Variants in ANP32B observed in about 807,000 individuals in gnomAD.
The protein encoded by ANP32B is acidic nuclear phosphoprotein 32 family member B.
In ANP32B, 6 loss-of-function variants were observed where a neutral mutation model predicts 32.2. The observed-to-expected ratio is 0.19, with a 90% CI of 0.10 to 0.37. ANP32B has a LOEUF of 0.37. ANP32B is among the 10% of genes least tolerant of loss of function. The probability of loss-of-function intolerance (pLI) is 1.00; values close to 1 mark genes in which losing one functional copy is unlikely to be tolerated. For missense variants in ANP32B, 204 were observed against 289.2 expected (o/e 0.71, Z 2.14); for synonymous variants, 98 against 105.8 (o/e 0.93, Z 0.45).
chr9:97,997,831 G>T (rs7855432), intron 2 of ANP32B, among the ~76,000 whole-genome samples: 37,744 of 152,080 alleles, frequency 0.25, 5,164 homozygotes, highest in South Asian at 0.48. Flanking sequence ...TCTACTCTAA[G>T]ATTCTAATAT....
chr9:98,011,262 T>C lies in ANP32B; in HGVS notation c.518-9T>C, dbSNP rs1054720659. 3 of 1,551,288 alleles carry C rather than the reference T, an allele frequency of 1.9e-6. No individual in the cohort carries two copies. The highest frequency in any genetic ancestry group is 2.6e-6 in the Non-Finnish European group (3 of 1,146,776). On this transcript the variant is annotated splice_polypyrimidine_tract_variant and intron_variant, in intron 4 of 6. Transcript: ENST00000339399. ...GATATTTAATGAATCCCTTTTGGAC[T>C]ATTTTTAGAAGGAGAAGATGAGGAA...
chr9:98,009,694 C>G lies in ANP32B; in HGVS notation c.518-1577C>G, dbSNP rs145409794. Among the ~76,000 whole-genome samples, 476 of 152,378 alleles carry G rather than the reference C, an allele frequency of 3.1e-3. 3 individuals are homozygous for G. Among genetic ancestry groups the G allele is most frequent in the Middle Eastern group, 0.014 (4 of 294 alleles). ...TGCGGCCCAGGCCACAGACCAGTAC[C>G]AGTCCTGGGAGTTGGGAACCCCTGG... On this transcript the variant is annotated intron_variant, in intron 4 of 6. Transcript: ENST00000339399.
intron 1 of ANP32B, among the ~76,000 whole-genome samples, chr9:97,991,339 T>C (rs1319430710): frequency 6.6e-6 from 1 of 152,146 alleles, no homozygotes; most frequent in Non-Finnish European, 1.5e-5. Context: ...ACTCTTGGAC[T>C]CCTGGGCTCA....
Position 97,983,509 on chromosome 9 carries a change from GC to G in ANP32B, c.-42del, listed in dbSNP as rs1014549097. The G allele has an allele frequency of 3.0e-5, 45 of 1,511,408 alleles. No individual in the cohort carries two copies. The Admixed American group carries it at 4.8e-4, about 16-fold the overall frequency. The allele number at this position is 1,511,408 out of a possible 1,614,324, so 93.6% of individuals were successfully genotyped here. ...AAGCCGGGACGCCTCTCCCCCCTCC[GC>G]CCCCGCCGCGGAAAGTTAAGTTTGA... is the stretch of plus-strand genomic sequence containing the variant. On this transcript the variant is annotated 5_prime_UTR_variant, in exon 1 of 7. Transcript: ENST00000339399.
At chr9:98,012,061 AT>A (rs1241145858) in intron 5 of ANP32B, among the ~76,000 whole-genome samples, 9 of 152,232 alleles carry the variant, frequency 5.9e-5, no homozygotes, top group Non-Finnish European at 1.2e-4. Context: ...TATGATTGAC[AT>A]TAAAGTTCTG....
intron 1 of ANP32B, among the ~76,000 whole-genome samples, chr9:97,985,639 T>A (rs1211419403): frequency 6.6e-6 from 1 of 152,242 alleles, no homozygotes; most frequent in Non-Finnish European, 1.5e-5. Flanking sequence ...AGAAATGCGT[T>A]AAAATCTAGA....
At chr9:97,994,395 CAA>C (rs890516377) in intron 1 of ANP32B, among the ~76,000 whole-genome samples, 19 of 152,308 alleles carry the variant, frequency 1.2e-4, no homozygotes, top group African/African-American at 3.8e-4. Flanking sequence ...TCTGGAAAAA[CAA>C]AGAGCGTAAG....
chr9:98,002,343 G>A (rs1413461412), intron 3 of ANP32B: 1 of 152,086 alleles, frequency 6.6e-6, no homozygotes, highest in Non-Finnish European at 1.5e-5. Context: ...TAAGAGACCT[G>A]GGCCATCCAA....
In ANP32B at chr9:98,012,846, T is replaced by A. The variant is rs143345069; in HGVS notation, c.688+374T>A. ...CCTAGGTTCAAGCCATTCTCCTGCC[T>A]CAGCCTCCAGAGTAGCTGGGGCTAC... On this transcript the variant is annotated intron_variant, in intron 6 of 6. Coordinates refer to ENST00000339399, the MANE Select transcript of ANP32B (RefSeq NM_006401.3). 2.8e-3 allele frequency among the ~76,000 whole-genome samples: 419 copies of A among 152,338 alleles called. 7 individuals are homozygous for A. In the East Asian group the frequency reaches 0.05, roughly 18 times the overall value.
Position 97,983,506 on chromosome 9 carries a change from T to TCCGCCC in ANP32B, c.-44_-39dup. On this transcript the variant is annotated 5_prime_UTR_variant, in exon 1 of 7. Coordinates refer to ENST00000339399, the MANE Select transcript of ANP32B (RefSeq NM_006401.3). ...CGCAAGCCGGGACGCCTCTCCCCCC[T>TCCGCCC]CCGCCCCCGCCGCGGAAAGTTAAGT... 1 of 1,503,812 alleles carries TCCGCCC rather than the reference T, an allele frequency of 6.6e-7. No individual in the cohort carries two copies. Among genetic ancestry groups the TCCGCCC allele is most frequent in the Middle Eastern group, 2.2e-4 (1 of 4,574 alleles). The allele number at this position is 1,503,812 out of a possible 1,614,324, so 93.2% of individuals were successfully genotyped here. A position where few individuals can be genotyped will look rare whatever the true frequency, so the allele number is the denominator to read the frequency against.
At chr9:97,983,644 G>A (rs943530649) in intron 1 of ANP32B, 35 bp downstream of exon 1, 6 of 1,514,132 alleles carry the variant, frequency 4.0e-6, no homozygotes, top group East Asian at 2.7e-5. Context: ...CCTCTCCCCC[G>A]ATGACTTGCA....
chr9:97,992,952 G>A (rs1280592863), intron 1 of ANP32B, among the ~76,000 whole-genome samples: 1 of 152,238 alleles, frequency 6.6e-6, no homozygotes, highest in Non-Finnish European at 1.5e-5. Context: ...TAAGTGACTC[G>A]CACAAGGTCG....
At chr9:97,995,786 G>A (rs920179065) in intron 2 of ANP32B, among the ~76,000 whole-genome samples, 6 of 151,932 alleles carry the variant, frequency 3.9e-5, no homozygotes, top group Non-Finnish European at 8.8e-5. Context: ...AGCTGGGCAC[G>A]GTGGCACGCA....
At chr9:98,002,754 C>T (rs931523008) in intron 3 of ANP32B, among the ~76,000 whole-genome samples, 7 of 152,026 alleles carry the variant, frequency 4.6e-5, no homozygotes, top group Admixed American at 2.0e-4. Flanking sequence ...CCTTGGAGGC[C>T]CTGTGTACTG....
chr9:97,985,465 C>T (rs541864919), intron 1 of ANP32B, among the ~76,000 whole-genome samples: 1 of 152,306 alleles, frequency 6.6e-6, no homozygotes, highest in South Asian at 2.1e-4. Flanking sequence ...CCGCCACGTG[C>T]TAGCCTATCG....
intron 1 of ANP32B, among the ~76,000 whole-genome samples, chr9:97,994,203 A>G (rs1827871267): frequency 6.6e-6 from 1 of 152,194 alleles, no homozygotes; most frequent in African/African-American, 2.4e-5. Flanking sequence ...TTGATAGGAA[A>G]CATAAAGCTT....
chr9:97,985,467 A>T (rs1188540502), intron 1 of ANP32B, among the ~76,000 whole-genome samples: 2 of 152,132 alleles, frequency 1.3e-5, no homozygotes, highest in African/African-American at 4.8e-5. Context: ...GCCACGTGCT[A>T]GCCTATCGCC....
At chr9:98,008,477 T>C (rs1828126216) in intron 4 of ANP32B, among the ~76,000 whole-genome samples, 2 of 152,214 alleles carry the variant, frequency 1.3e-5, no homozygotes, top group Non-Finnish European at 2.9e-5. Context: ...GATCAACTGG[T>C]TGAGATCACA....
intron 3 of ANP32B, among the ~76,000 whole-genome samples, chr9:98,002,035 G>A (rs1354433746): frequency 2.6e-5 from 4 of 152,130 alleles, no homozygotes; most frequent in Non-Finnish European, 5.9e-5. Flanking sequence ...TGCTATACTT[G>A]GCACTCAGAT....
Sources: allele counts gnomAD v4.1 joint callset (sites outside exome capture counted in the v4.1 genomes callset), GRCh38; gene constraint gnomAD v4.1.1; transcripts MANE v1.5; gene names NCBI Gene and HGNC (gene_info 2026-07-23, HGNC 2026-07-21).